SIPA1L1: variants seen among roughly 807,000 people sequenced by gnomAD.
SIPA1L1 encodes signal-induced proliferation-associated 1-like protein 1.
Under a neutral mutation model 162.7 loss-of-function variants are expected in SIPA1L1, and 26 were observed. The ratio of observed to expected loss-of-function variants is 0.16; its 90% CI spans 0.12 to 0.22. SIPA1L1 has a LOEUF of 0.22. Among genes scored for constraint, SIPA1L1 ranks in the 10% least tolerant of loss-of-function variants. The pLI is 1.00. For synonymous variants in SIPA1L1, 829 were observed against 837.4 expected, an observed-to-expected ratio of 0.99 and a Z score of 0.17; for missense variants, 1,874 against 2,241.0, an observed-to-expected ratio of 0.84 and a Z score of 3.31.
At chr14:71,471,434 A>G (rs1452362955) in intron 2 of SIPA1L1, among the ~76,000 whole-genome samples, 3 of 152,188 alleles carry the variant, frequency 2.0e-5, no homozygotes, top group African/African-American at 7.2e-5. Context: ...GTACCACTGC[A>G]CTCCAGCCTG....
chr14:71,469,631 A>G (rs1299268432), intron 2 of SIPA1L1, among the ~76,000 whole-genome samples: 4 of 152,186 alleles, frequency 2.6e-5, no homozygotes, highest in African/African-American at 9.6e-5. Context: ...TTTATTCTGG[A>G]GGACTTTGAT....
At chr14:71,624,610 C>G (rs1455990064) in intron 7 of SIPA1L1, among the ~76,000 whole-genome samples, 1 of 151,966 alleles carries the variant, frequency 6.6e-6, no homozygotes, top group African/African-American at 2.4e-5. Flanking sequence ...TTTGCAAGCC[C>G]CTTTTCTAAG....
At chr14:71,391,529 A>T (rs896703740) in intron 2 of SIPA1L1, among the ~76,000 whole-genome samples, 1 of 152,254 alleles carries the variant, frequency 6.6e-6, no homozygotes, top group Non-Finnish European at 1.5e-5. Flanking sequence ...TTATGAGAAC[A>T]GTTCATATGA....
At chr14:71,653,970 C>T (rs2042848757) in intron 8 of SIPA1L1, among the ~76,000 whole-genome samples, 1 of 152,132 alleles carries the variant, frequency 6.6e-6, no homozygotes, top group South Asian at 2.1e-4. Flanking sequence ...ATAGCAAAGC[C>T]CCAAGACCGG....
chr14:71,478,040 G>A (rs1260203096), intron 2 of SIPA1L1, among the ~76,000 whole-genome samples: 8 of 152,162 alleles, frequency 5.3e-5, no homozygotes, highest in Admixed American at 5.2e-4. Context: ...GGTATTATCA[G>A]TATTTTTTAT....
intron 13 of SIPA1L1, among the ~76,000 whole-genome samples, chr14:71,693,048 A>C (rs1287708658): frequency 6.6e-6 from 1 of 152,354 alleles, no homozygotes; most frequent in Non-Finnish European, 1.5e-5. Flanking sequence ...ATACAGGTTC[A>C]GCATCCCTTA....
chr14:71,341,148 G>A (rs1017640205), intron 2 of SIPA1L1, among the ~76,000 whole-genome samples: 5 of 152,216 alleles, frequency 3.3e-5, no homozygotes, highest in Non-Finnish European at 4.4e-5. Flanking sequence ...TCCAAGGCCC[G>A]GGATTGCAGA....
intron 5 of SIPA1L1, among the ~76,000 whole-genome samples, chr14:71,596,855 G>A (rs2036097894): frequency 6.6e-6 from 1 of 151,682 alleles, no homozygotes; most frequent in African/African-American, 2.4e-5. Flanking sequence ...TTTTATTTTT[G>A]TTCTGTACTC....
At chr14:71,565,459 T>C (rs1436580081) in intron 4 of SIPA1L1, among the ~76,000 whole-genome samples, 1 of 152,230 alleles carries the variant, frequency 6.6e-6, no homozygotes, top group Non-Finnish European at 1.5e-5. Context: ...ATGAATTTTG[T>C]AATCAAGCAA....
intron 4 of SIPA1L1, among the ~76,000 whole-genome samples, chr14:71,539,534 A>G (rs1221469778): frequency 6.6e-6 from 1 of 152,244 alleles, no homozygotes; most frequent in Non-Finnish European, 1.5e-5. Context: ...TATGTATGGC[A>G]GTAAATTTCT....
At chr14:71,557,832 T>C (rs1273340042) in intron 4 of SIPA1L1, among the ~76,000 whole-genome samples, 1 of 152,216 alleles carries the variant, frequency 6.6e-6, no homozygotes, top group African/African-American at 2.4e-5. Context: ...TGGTGATAAC[T>C]GCTATATTTC....
intron 2 of SIPA1L1, among the ~76,000 whole-genome samples, chr14:71,502,934 A>G (rs2050375628): frequency 6.6e-6 from 1 of 152,162 alleles, no homozygotes. Context: ...TATTATCTCC[A>G]TATTTTATAA....
At chr14:71,506,943 C>T (rs2050727957) in intron 2 of SIPA1L1, among the ~76,000 whole-genome samples, 2 of 151,626 alleles carry the variant, frequency 1.3e-5, no homozygotes, top group South Asian at 4.2e-4. Context: ...GGATTACAGG[C>T]GTGAGCTACC....
chr14:71,394,756 A>G (rs931737479), intron 2 of SIPA1L1, among the ~76,000 whole-genome samples: 4 of 152,222 alleles, frequency 2.6e-5, no homozygotes, highest in Non-Finnish European at 4.4e-5. Context: ...AATGTGCCCA[A>G]GGTACCATCT....
At position 71,587,857 on chromosome 14, in the gene SIPA1L1, T is replaced by A. The variant is rs758581782; in HGVS notation, c.-16T>A. 1 of 1,592,660 alleles carries A rather than the reference T, an allele frequency of 6.3e-7. No individual in the cohort carries two copies. Among genetic ancestry groups the A allele is most frequent in the African/African-American group, 1.3e-5 (1 of 74,546 alleles). On this transcript the variant is annotated 5_prime_UTR_variant, in exon 5 of 24. Transcript: ENST00000381232. ...GGTCCTTGCTGCAGGGATTTAAGTC[T>A]ACTTGCTTTTACATCATGACCAGCT...
intron 13 of SIPA1L1, among the ~76,000 whole-genome samples, chr14:71,696,558 C>G (rs2081644799): frequency 6.6e-6 from 1 of 152,172 alleles, no homozygotes; most frequent in Admixed American, 6.5e-5. Context: ...TGATCTAGCC[C>G]CACCATAGTT....
At chr14:71,527,923 C>T (rs780212902) in intron 3 of SIPA1L1, among the ~76,000 whole-genome samples, 2 of 152,138 alleles carry the variant, frequency 1.3e-5, no homozygotes, top group African/African-American at 2.4e-5. Flanking sequence ...CTCGCTCTAT[C>T]GTCCAGGCTG....
intron 2 of SIPA1L1, among the ~76,000 whole-genome samples, chr14:71,427,652 CT>C (rs1285219455): frequency 6.6e-6 from 1 of 152,174 alleles, no homozygotes; most frequent in African/African-American, 2.4e-5. Flanking sequence ...ATTGTCCTCT[CT>C]TCAGGTTCAC....
chr14:71,583,177 G>C (rs1476163989), intron 4 of SIPA1L1, among the ~76,000 whole-genome samples: 2 of 152,176 alleles, frequency 1.3e-5, no homozygotes, highest in East Asian at 3.8e-4. Flanking sequence ...TTGTTTAAGA[G>C]CCTGGGTATT....
Sources: allele counts gnomAD v4.1 joint callset (sites outside exome capture counted in the v4.1 genomes callset), GRCh38; gene constraint gnomAD v4.1.1; transcripts MANE v1.5; gene names NCBI Gene and HGNC (gene_info 2026-07-23, HGNC 2026-07-21).